The following SSBP2 variants were observed in gnomAD, a reference collection of about 807,000 sequenced individuals.
SSBP2 encodes single-stranded DNA-binding protein 2.
Under a neutral mutation model 61.8 loss-of-function variants are expected in SSBP2, and 17 were observed. The observed-to-expected ratio is 0.28, with a 90% CI of 0.19 to 0.41. SSBP2 has a LOEUF of 0.41. SSBP2 is among the 10% of genes least tolerant of loss of function. The pLI is 1.00. For synonymous variants in SSBP2, 139 were observed against 141.3 expected (o/e 0.98, Z 0.12); for missense variants, 310 against 458.7 (o/e 0.68, Z 2.96).
intron 4 of SSBP2, among the ~76,000 whole-genome samples, chr5:81,595,885 G>C (rs960646689): frequency 6.6e-6 from 1 of 152,012 alleles, no homozygotes; most frequent in African/African-American, 2.4e-5. Flanking sequence ...ATACTGAATG[G>C]GCAAAACCCT....
chr5:81,678,706 CTAAGA>C (rs1752170083), intron 1 of SSBP2, among the ~76,000 whole-genome samples: 2 of 151,862 alleles, frequency 1.3e-5, no homozygotes, highest in East Asian at 3.9e-4. Context: ...TACAGAAAAG[CTAAGA>C]TAAGAATTAT....
chr5:81,739,331 G>A (rs1756848464), intron 1 of SSBP2, among the ~76,000 whole-genome samples: 2 of 152,142 alleles, frequency 1.3e-5, no homozygotes. Flanking sequence ...CCATGTTGCT[G>A]TACATGATTC....
intron 1 of SSBP2, among the ~76,000 whole-genome samples, chr5:81,725,228 T>C (rs1175737912): frequency 1.3e-5 from 2 of 151,826 alleles, no homozygotes; most frequent in Non-Finnish European, 1.5e-5. Context: ...ACAGCAAGAA[T>C]GGGAGGTCTT....
intron 4 of SSBP2, among the ~76,000 whole-genome samples, chr5:81,545,904 T>C (rs1203128569): frequency 6.6e-6 from 1 of 152,218 alleles, no homozygotes; most frequent in Non-Finnish European, 1.5e-5. Flanking sequence ...CAGAATCCAA[T>C]GTCCACTCCA....
At chr5:81,549,720 A>C (rs984732124) in intron 4 of SSBP2, among the ~76,000 whole-genome samples, 2 of 152,138 alleles carry the variant, frequency 1.3e-5, no homozygotes, top group African/African-American at 4.8e-5. Context: ...TTTTTAAGCA[A>C]TGTTATTGAG....
At chr5:81,682,654 C>G (rs1463778499) in intron 1 of SSBP2, among the ~76,000 whole-genome samples, 1 of 152,042 alleles carries the variant, frequency 6.6e-6, no homozygotes, top group Non-Finnish European at 1.5e-5. Context: ...TGGCATTGTA[C>G]TGGAAGTATC....
At position 81,751,001 on chromosome 5, in the gene SSBP2, G is replaced by T. The variant is rs762514315; in HGVS notation, c.42C>A (p.Ser14=). The change falls in exon 1 of 17, where the codon TCC becomes TCA. Residue 14 remains serine, a synonymous_variant. Transcript: ENST00000320672. ...CTTACTTCTCCCGGGCCTGGCTGTC[G>T]GACGGGACGGCGCTGCTGTTACTCT... 6.3e-7 allele frequency: 1 copy of T among 1,599,168 alleles called. No homozygotes were observed.
rs1357262969 is a variant in SSBP2 at position 81,418,739 on chromosome 5, T to A, written c.*1765A>T. ...CAACTGTAATACAATGGTATTTGTG[T>A]ATCTAAGCATAGAAAAGATATGCTA... is the stretch of plus-strand genomic sequence containing the variant. On this transcript the variant is annotated 3_prime_UTR_variant, in exon 17 of 17. Coordinates refer to ENST00000320672, the MANE Select transcript of SSBP2 (RefSeq NM_012446.5). The A allele has an allele frequency of 1.3e-5, 2 of 152,202 alleles. No homozygotes were observed. The highest frequency in any genetic ancestry group is 2.9e-5 in the Non-Finnish European group (2 of 68,034). The allele number at this position is 152,202 out of a possible 1,614,324, so 9.4% of individuals were successfully genotyped here.
At chr5:81,682,872 G>C (rs1001575782) in intron 1 of SSBP2, among the ~76,000 whole-genome samples, 6 of 152,008 alleles carry the variant, frequency 3.9e-5, no homozygotes, top group Non-Finnish European at 8.8e-5. Flanking sequence ...TACTAGCAAT[G>C]AACAAGTGGA....
chr5:81,466,650 C>T (rs146456162), intron 9 of SSBP2, among the ~76,000 whole-genome samples: 12 of 151,748 alleles, frequency 7.9e-5, no homozygotes, highest in African/African-American at 2.9e-4. Flanking sequence ...ATTTTATATA[C>T]TATATGGAGA....
At chr5:81,725,757 A>G (rs1318671668) in intron 1 of SSBP2, among the ~76,000 whole-genome samples, 2 of 152,170 alleles carry the variant, frequency 1.3e-5, no homozygotes, top group Non-Finnish European at 2.9e-5. Context: ...AAAAAGTCTC[A>G]GATTTGCTTC....
At chr5:81,452,321 C>A (rs1285606330) in intron 10 of SSBP2, among the ~76,000 whole-genome samples, 2 of 152,066 alleles carry the variant, frequency 1.3e-5, no homozygotes, top group Admixed American at 6.5e-5. Context: ...CAGACAGAGC[C>A]TCACTTTTTT....
chr5:81,612,695 C>T (rs773679517), intron 4 of SSBP2, among the ~76,000 whole-genome samples: 9 of 152,060 alleles, frequency 5.9e-5, no homozygotes, highest in East Asian at 1.9e-4. Flanking sequence ...ACATTTTTAA[C>T]GCTAAAAACG....
At position 81,551,096 on chromosome 5, in the gene SSBP2, G is replaced by GAA. The variant is rs35816072; in HGVS notation, c.283-37381_283-37380dup. On this transcript the variant is annotated intron_variant, in intron 4 of 16. Transcript: ENST00000320672. ...GGGTGACAGAACGAGACTCCATCTCGAAAAAAAAAAAAAAAAAAAGAAATC... is the reference window on the plus strand; with the variant it reads ...GGGTGACAGAACGAGACTCCATCTCGAAAAAAAAAAAAAAAAAAAAAGAAATC... 6.2e-3 allele frequency among the ~76,000 whole-genome samples: 492 copies of GAA among 79,922 alleles called. 12 individuals carry two copies. The highest frequency in any genetic ancestry group is 0.014 in the Admixed American group (91 of 6,364). The allele number at this position is 79,922 out of a possible 152,430, so 52.4% of individuals were successfully genotyped here. A position where few individuals can be genotyped will look rare whatever the true frequency, so the allele number is the denominator to read the frequency against.
In SSBP2 at chr5:81,675,072, C is replaced by A. The variant is rs577278690; in HGVS notation, c.63-24733G>T. On this transcript the variant is annotated intron_variant, in intron 1 of 16. Transcript: ENST00000320672. ...AAATACCATAGAAGCTCCAAAAGAGCAGATTAACCAAAAGCACAGAGCCTT... is the reference window on the plus strand; with the variant it reads ...AAATACCATAGAAGCTCCAAAAGAGAAGATTAACCAAAAGCACAGAGCCTT... Among the ~76,000 whole-genome samples, 113 of 152,252 alleles carry A rather than the reference C, an allele frequency of 7.4e-4. 1 individual carries two copies. Among genetic ancestry groups the A allele is most frequent in the African/African-American group, 2.7e-3 (111 of 41,532 alleles).
chr5:81,652,672 G>A (rs1749834390), intron 1 of SSBP2, among the ~76,000 whole-genome samples: 1 of 152,114 alleles, frequency 6.6e-6, no homozygotes, highest in Non-Finnish European at 1.5e-5. Flanking sequence ...CTCCAAAAAG[G>A]GTGTCAGGGA....
intron 10 of SSBP2, among the ~76,000 whole-genome samples, chr5:81,455,174 A>G (rs1047046960): frequency 4.6e-5 from 7 of 151,400 alleles, no homozygotes; most frequent in African/African-American, 1.7e-4. Context: ...AAAAAAAAAC[A>G]AAAAACAAAG....
At chr5:81,723,281 G>A (rs1755661573) in intron 1 of SSBP2, among the ~76,000 whole-genome samples, 1 of 151,990 alleles carries the variant, frequency 6.6e-6, no homozygotes, top group African/African-American at 2.4e-5. Context: ...TGTCCCTTGA[G>A]AAGGTTCTTG....
At chr5:81,434,424 G>A (rs559632701) in intron 15 of SSBP2, among the ~76,000 whole-genome samples, 9 of 151,936 alleles carry the variant, frequency 5.9e-5, no homozygotes, top group Non-Finnish European at 1.2e-4. Flanking sequence ...TTGAGAGGCC[G>A]AGGTGGATGG....
Sources: allele counts gnomAD v4.1 joint callset (sites outside exome capture counted in the v4.1 genomes callset), GRCh38; gene constraint gnomAD v4.1.1; transcripts MANE v1.5; gene names NCBI Gene and HGNC (gene_info 2026-07-23, HGNC 2026-07-21).